Variants in PCDHGB2 observed in about 807,000 individuals in gnomAD.
PCDHGB2 encodes the protein protocadherin gamma subfamily B, 2, also known as protocadherin gamma-B2.
Under a neutral mutation model 59.3 loss-of-function variants are expected in PCDHGB2, and 55 were observed. The observed-to-expected ratio is 0.93, with a 90% CI of 0.75 to 1.16. The LOEUF is 1.16. Among genes scored for constraint, PCDHGB2 ranks in the 50% most tolerant of loss-of-function variants. The pLI is 0.00. For missense variants in PCDHGB2, 1,228 were observed against 1,198.5 expected (o/e 1.02, Z -0.36); for synonymous variants, 516 against 512.0 (o/e 1.01, Z -0.11).
At chr5:141,413,805 C>T (rs772637762) in intron 1 of PCDHGB2, 1 of 1,613,166 alleles carries the variant, frequency 6.2e-7, no homozygotes, top group South Asian at 1.1e-5. Flanking sequence ...AGGAAGAGGC[C>T]ATTCACCACC....
At chr5:141,375,512 C>G in intron 1 of PCDHGB2, 3 of 1,614,054 alleles carry the variant, frequency 1.9e-6, no homozygotes, top group Non-Finnish European at 2.5e-6. Flanking sequence ...TGTGAATGCA[C>G]TGGACCCTGA....
At chr5:141,407,505 T>TTTTTTTTTTTTTTTTTTTTTTGAGACGG (rs1460306566) in intron 1 of PCDHGB2, among the ~76,000 whole-genome samples, 2 of 152,142 alleles carry the variant, frequency 1.3e-5, no homozygotes, top group African/African-American at 2.4e-5. Context: ...CTGTTTTTCT[T>TTTTTTTTTTTTTTTTTTTTTTGAGACGG]AGGCTATGTA....
chr5:141,409,055 G>T (rs141881204), intron 1 of PCDHGB2: 10 of 1,614,038 alleles, frequency 6.2e-6, no homozygotes, highest in Non-Finnish European at 8.5e-6. Flanking sequence ...CCGAAGCACT[G>T]CCCAGAGCAC....
chr5:141,405,229 C>T, intron 1 of PCDHGB2: 1 of 1,614,144 alleles, frequency 6.2e-7, no homozygotes, highest in Non-Finnish European at 8.5e-7. Context: ...AGTTCTCCCT[C>T]ACCGCTGACT....
chr5:141,413,762 C>T (rs538764130), intron 1 of PCDHGB2: 3 of 1,612,894 alleles, frequency 1.9e-6, no homozygotes, highest in Admixed American at 1.7e-5. Flanking sequence ...GTCAAGTACC[C>T]GGAGCTGGTA....
intron 1 of PCDHGB2, among the ~76,000 whole-genome samples, chr5:141,382,280 A>G (rs1218087661): frequency 6.6e-6 from 1 of 152,232 alleles, no homozygotes; most frequent in African/African-American, 2.4e-5. Context: ...TATGTGTTCA[A>G]TTAATACTGA....
chr5:141,443,104 C>A (rs950011995), intron 1 of PCDHGB2, among the ~76,000 whole-genome samples: 1 of 151,854 alleles, frequency 6.6e-6, no homozygotes, highest in East Asian at 1.9e-4. Flanking sequence ...TCAAGCTGAA[C>A]CTTGCTTTTC....
intron 1 of PCDHGB2, chr5:141,427,297 A>G (rs1292641772): frequency 2.2e-6 from 1 of 456,900 alleles, no homozygotes; most frequent in Non-Finnish European, 4.4e-6. Context: ...ATCCTAGATG[A>G]GAATGACAAT....
intron 1 of PCDHGB2, chr5:141,390,232 C>A: frequency 6.2e-7 from 1 of 1,614,020 alleles, no homozygotes. Context: ...GGTGATTCAT[C>A]TGGGGCCTTA....
intron 2 of PCDHGB2, among the ~76,000 whole-genome samples, chr5:141,495,922 C>G (rs1263216717): frequency 6.6e-6 from 1 of 152,100 alleles, no homozygotes; most frequent in Non-Finnish European, 1.5e-5. Context: ...CTTTCTTTGT[C>G]TCTGTCTCTG....
At chr5:141,403,146 G>T (rs1400601984) in intron 1 of PCDHGB2, 2 of 1,614,056 alleles carry the variant, frequency 1.2e-6, no homozygotes, top group Middle Eastern at 1.6e-4. Context: ...CGCCGAGTCC[G>T]CATCGTCTCT....
At chr5:141,468,160 G>C (rs2099158881) in intron 1 of PCDHGB2, among the ~76,000 whole-genome samples, 1 of 151,468 alleles carries the variant, frequency 6.6e-6, no homozygotes, top group African/African-American at 2.4e-5. Context: ...CCCTGTCTCT[G>C]CTAAAAATAG....
chr5:141,420,075 G>A (rs893749179), intron 1 of PCDHGB2: 17 of 1,613,944 alleles, frequency 1.1e-5, no homozygotes, highest in Admixed American at 6.7e-5. Context: ...GGACCTGTGG[G>A]TCCCCCCAAC....
intron 1 of PCDHGB2, chr5:141,422,206 G>A (rs1269700250): frequency 6.4e-7 from 1 of 1,562,324 alleles, no homozygotes; most frequent in Non-Finnish European, 8.6e-7. Flanking sequence ...AGATGGTGGA[G>A]GTCTCTTTAC....
chr5:141,431,571 A>T lies in PCDHGB2; in HGVS notation c.2422-63236A>T, dbSNP rs781289120. 1.2e-6 allele frequency: 2 copies of T among 1,614,026 alleles called. No homozygotes were observed. Among genetic ancestry groups the T allele is most frequent in the African/African-American group, 1.3e-5 (1 of 74,938 alleles). On this transcript the variant is annotated intron_variant, in intron 1 of 3. Coordinates refer to ENST00000522605, the MANE Select transcript of PCDHGB2 (RefSeq NM_018923.3). This position sits in a 1 kb window ranked among gnomAD's most constrained non-coding sequence, Gnocchi z 4.8. ...GTAGTCAACGCTACCGACCCTGACG[A>T]AGGAGTCAATGCGGAAGTGAGGTAT...
chr5:141,371,332 A>C (rs1481476869), intron 1 of PCDHGB2: 3 of 1,613,988 alleles, frequency 1.9e-6, no homozygotes, highest in Admixed American at 1.7e-5. Context: ...GAAGAGAGAG[A>C]TAGCTACACA....
intron 1 of PCDHGB2, chr5:141,479,660 A>G (rs1206947602): frequency 6.6e-6 from 1 of 152,266 alleles, no homozygotes; most frequent in African/African-American, 2.4e-5. Flanking sequence ...ACAATCCCAG[A>G]AACTACAAAA....
chr5:141,472,371 C>G (rs2099278632), intron 1 of PCDHGB2, among the ~76,000 whole-genome samples: 1 of 151,944 alleles, frequency 6.6e-6, no homozygotes, highest in Admixed American at 6.6e-5. Flanking sequence ...GAAACCCCGT[C>G]TCCACTAAAA....
At chr5:141,404,568 G>A (rs2094540345) in intron 1 of PCDHGB2, 1 of 1,613,868 alleles carries the variant, frequency 6.2e-7, no homozygotes, top group Non-Finnish European at 8.5e-7. Flanking sequence ...GACAGTGGAA[G>A]CCCACCACTT....
Sources: allele counts gnomAD v4.1 joint callset (sites outside exome capture counted in the v4.1 genomes callset), GRCh38; gene constraint gnomAD v4.1.1; non-coding constraint Gnocchi (gnomAD v3.1); transcripts MANE v1.5; gene names NCBI Gene and HGNC (gene_info 2026-07-23, HGNC 2026-07-21).